The following FAM222B variants were observed in gnomAD, a reference collection of about 807,000 sequenced individuals.
FAM222B encodes family with sequence similarity 222 member B, also known as protein FAM222B.
A neutral mutation model predicts 38.0 loss-of-function variants in FAM222B; 12 were observed. The observed-to-expected ratio is 0.32, with a 90% CI of 0.20 to 0.51. The LOEUF (loss-of-function observed/expected upper bound fraction) is 0.51, where lower values mean the gene tolerates loss of function less well. Among genes scored for constraint, FAM222B ranks in the 20% least tolerant of loss-of-function variants. The pLI is 0.97. For synonymous variants in FAM222B, 329 were observed against 317.2 expected (o/e 1.04, Z -0.40); for missense variants, 716 against 754.2 (o/e 0.95, Z 0.59).
At chr17:28,815,241 T>G (rs1317496670) in intron 1 of FAM222B, among the ~76,000 whole-genome samples, 2 of 148,384 alleles carry the variant, frequency 1.3e-5, no homozygotes, top group African/African-American at 5.0e-5. Flanking sequence ...AAAGACAGAG[T>G]CTCGCTCTGT....
At position 28,806,974 on chromosome 17, in the gene FAM222B, A is replaced by G. The variant is rs77204112; in HGVS notation, c.-41+35708T>C. 6.8e-3 allele frequency among the ~76,000 whole-genome samples: 1,027 copies of G among 152,074 alleles called. 7 individuals carry two copies. The highest frequency in any genetic ancestry group is 0.012 in the Non-Finnish European group (840 of 67,970). On this transcript the variant is annotated intron_variant, in intron 1 of 2. Transcript: ENST00000581407. ...GCTGAGACCGATGTTCATTTAATTCACTGGATAAAAACTATCCAAAAGTAA... is the reference window on the plus strand; with the variant it reads ...GCTGAGACCGATGTTCATTTAATTCGCTGGATAAAAACTATCCAAAAGTAA...
chr17:28,798,698 G>A (rs960078051), intron 1 of FAM222B, among the ~76,000 whole-genome samples: 49 of 149,940 alleles, frequency 3.3e-4, no homozygotes, highest in Non-Finnish European at 5.2e-4. Flanking sequence ...GCAGTGGCGC[G>A]ATCTCGGCTC....
intron 1 of FAM222B, among the ~76,000 whole-genome samples, chr17:28,782,558 A>C (rs2036210373): frequency 6.6e-6 from 1 of 152,232 alleles, no homozygotes; most frequent in Admixed American, 6.5e-5. Flanking sequence ...ATATTGTTAA[A>C]GGATATCTAA....
At chr17:28,822,882 T>C (rs12938360) in intron 1 of FAM222B, among the ~76,000 whole-genome samples, 19,730 of 107,196 alleles carry the variant, frequency 0.18, 2,023 homozygotes, top group South Asian at 0.31. Flanking sequence ...TATATATATA[T>C]ACACACACAC....
At chr17:28,832,609 C>T (rs1036863456) in intron 1 of FAM222B, among the ~76,000 whole-genome samples, 15 of 152,196 alleles carry the variant, frequency 9.9e-5, no homozygotes, top group African/African-American at 3.6e-4. Context: ...ATTTCCATTA[C>T]ACCCTAAAGA....
chr17:28,785,046 G>GGTA (rs1439995963), intron 1 of FAM222B, among the ~76,000 whole-genome samples: 1 of 151,978 alleles, frequency 6.6e-6, no homozygotes, highest in Non-Finnish European at 1.5e-5. Context: ...ATGAGCCACT[G>GGTA]TGCCCAGCCT....
intron 1 of FAM222B, among the ~76,000 whole-genome samples, chr17:28,801,742 A>G (rs1041367293): frequency 5.9e-5 from 9 of 152,112 alleles, no homozygotes; most frequent in African/African-American, 1.9e-4. Context: ...GCTGTCTTCA[A>G]CTTCTCACAG....
At chr17:28,799,771 G>A (rs1324788757) in intron 1 of FAM222B, among the ~76,000 whole-genome samples, 1 of 151,954 alleles carries the variant, frequency 6.6e-6, no homozygotes, top group Non-Finnish European at 1.5e-5. Context: ...ACCACACTCA[G>A]GTAATTATTT....
intron 1 of FAM222B, among the ~76,000 whole-genome samples, chr17:28,787,968 G>T (rs551202856): frequency 2.0e-5 from 3 of 152,006 alleles, no homozygotes; most frequent in African/African-American, 7.2e-5. Context: ...AGGATTACAG[G>T]AATGTGCCAC....
chr17:28,759,941 A>C lies in FAM222B; in HGVS notation c.83-65T>G, dbSNP rs955920432. ...GGAGCTCATCAGTGCCAAGGCAAACAGCCCTTCCAGATTCCCCTTTTGAGG... is the reference window on the plus strand; with the variant it reads ...GGAGCTCATCAGTGCCAAGGCAAACCGCCCTTCCAGATTCCCCTTTTGAGG... On this transcript the variant is annotated intron_variant, in intron 2 of 2. Transcript: ENST00000581407. The surrounding 1 kb of genome is among the most constrained non-coding windows in gnomAD (Gnocchi z 4.8). 17 of 1,414,962 alleles carry C rather than the reference A, an allele frequency of 1.2e-5. No homozygotes were observed. In the African/African-American group the frequency reaches 2.3e-4, roughly 19 times the overall value. 87.7% of individuals were successfully genotyped at this position (1,414,962 alleles called of 1,614,324 possible).
At chr17:28,835,024 TTGTGTGTG>T (rs61229770) in intron 1 of FAM222B, among the ~76,000 whole-genome samples, 1,848 of 131,920 alleles carry the variant, frequency 0.014, 32 homozygotes, top group African/African-American at 0.037. Context: ...TCAGCTAATT[TTGTGTGTG>T]TGTGTGTGTG....
intron 1 of FAM222B, among the ~76,000 whole-genome samples, chr17:28,838,837 G>A (rs2038939068): frequency 6.6e-6 from 1 of 151,890 alleles, no homozygotes; most frequent in Admixed American, 6.6e-5. Flanking sequence ...AACACAGGAG[G>A]CAGACGTTGC....
intron 1 of FAM222B, among the ~76,000 whole-genome samples, chr17:28,774,343 G>A (rs2035784272): frequency 6.6e-6 from 1 of 152,112 alleles, no homozygotes; most frequent in Admixed American, 6.5e-5. Context: ...GGCCAAATGA[G>A]TTACAGACAT....
At chr17:28,806,275 G>GT (rs2037494238) in intron 1 of FAM222B, among the ~76,000 whole-genome samples, 1 of 151,986 alleles carries the variant, frequency 6.6e-6, no homozygotes, top group African/African-American at 2.4e-5. Context: ...ATGAACTTTT[G>GT]TTTTTTCCAC....
At chr17:28,822,963 C>T (rs1399603633) in intron 1 of FAM222B, among the ~76,000 whole-genome samples, 4 of 127,222 alleles carry the variant, frequency 3.1e-5, no homozygotes, top group Admixed American at 2.5e-4. Context: ...GAGGCTGAGG[C>T]AGGAGAATCA....
At chr17:28,770,723 A>G (rs1487141110) in intron 1 of FAM222B, among the ~76,000 whole-genome samples, 1 of 152,022 alleles carries the variant, frequency 6.6e-6, no homozygotes, top group Non-Finnish European at 1.5e-5. Flanking sequence ...GGCGCCCGCC[A>G]TCATGCCCGG....
chr17:28,764,976 G>A (rs1756905657), intron 2 of FAM222B, among the ~76,000 whole-genome samples: 1 of 152,146 alleles, frequency 6.6e-6, no homozygotes, highest in South Asian at 2.1e-4. Flanking sequence ...AAATAGGCAC[G>A]ATGCAGTTAG....
chr17:28,842,472 G>T (rs747866293), intron 1 of FAM222B, among the ~76,000 whole-genome samples: 6 of 152,100 alleles, frequency 3.9e-5, no homozygotes, highest in African/African-American at 7.2e-5. Flanking sequence ...TCCACAGCAC[G>T]CAACCCCGTC....
At chr17:28,764,934 T>A (rs1490796317) in intron 2 of FAM222B, among the ~76,000 whole-genome samples, 5 of 152,066 alleles carry the variant, frequency 3.3e-5, no homozygotes, top group Admixed American at 2.6e-4. Context: ...TCTAAGTACG[T>A]TCCCTCTCCA....
Sources: gnomAD v4.1 joint callset for allele counts (sites outside exome capture counted in the v4.1 genomes callset) on GRCh38, gnomAD v4.1.1 for gene constraint, Gnocchi (gnomAD v3.1) non-coding constraint, MANE v1.5 for transcripts, NCBI Gene and HGNC (gene_info 2026-07-23, HGNC 2026-07-21) for gene names.